RABGAP1L: variants seen among roughly 807,000 people sequenced by gnomAD.
The protein encoded by RABGAP1L is RAB GTPase activating protein 1 like, also known as rab GTPase-activating protein 1-like.
In RABGAP1L, 63 loss-of-function variants were observed where a neutral mutation model predicts 137.7. The observed-to-expected ratio is 0.46, with a 90% confidence interval of 0.37 to 0.56. The LOEUF is 0.56. Among genes scored for constraint, RABGAP1L ranks in the 20% least tolerant of loss-of-function variants. The pLI is 0.00. For synonymous variants in RABGAP1L, 431 were observed against 433.7 expected (o/e 0.99, Z 0.08); for missense variants, 1,095 against 1,244.0 (o/e 0.88, Z 1.80).
chr1:174,371,406 C>A (rs1018079154), intron 12 of RABGAP1L, among the ~76,000 whole-genome samples: 1 of 151,904 alleles, frequency 6.6e-6, no homozygotes, highest in Admixed American at 6.6e-5. Flanking sequence ...ATTTAAATGT[C>A]TACTGTTAAA....
intron 24 of RABGAP1L, among the ~76,000 whole-genome samples, chr1:174,985,097 AAAG>A (rs1671469793): frequency 1.3e-5 from 2 of 152,216 alleles, no homozygotes; most frequent in African/African-American, 4.8e-5. Context: ...TAGCCAGAAT[AAAG>A]AAGAACAACT....
At chr1:174,441,998 A>AT (rs1469558288) in intron 13 of RABGAP1L, among the ~76,000 whole-genome samples, 1 of 152,066 alleles carries the variant, frequency 6.6e-6, no homozygotes, top group Middle Eastern at 3.2e-3. Flanking sequence ...ACCAGTGATT[A>AT]TTTTTGGAAA....
intron 13 of RABGAP1L, among the ~76,000 whole-genome samples, chr1:174,537,412 C>T (rs929002985): frequency 6.6e-6 from 1 of 152,094 alleles, no homozygotes; most frequent in Non-Finnish European, 1.5e-5. Context: ...AGCCTGTAAC[C>T]CTTATCCTAC....
intron 11 of RABGAP1L, among the ~76,000 whole-genome samples, chr1:174,311,782 A>T (rs1265392624): frequency 6.6e-6 from 1 of 151,764 alleles, no homozygotes; most frequent in Admixed American, 6.6e-5. Context: ...AATTTTTTGT[A>T]TTTTAGTAGA....
chr1:174,848,820 C>A (rs548855849), intron 19 of RABGAP1L, among the ~76,000 whole-genome samples: 1 of 151,308 alleles, frequency 6.6e-6, no homozygotes, highest in Non-Finnish European at 1.5e-5. Flanking sequence ...GGCGCCCCTC[C>A]CCCAGCTTCG....
intron 12 of RABGAP1L, among the ~76,000 whole-genome samples, chr1:174,392,157 A>G (rs1647237159): frequency 6.6e-6 from 1 of 152,216 alleles, no homozygotes; most frequent in African/African-American, 2.4e-5. Flanking sequence ...AGAGAAGTTT[A>G]AAGAATTGAA....
At chr1:174,600,411 C>T (rs1186101519) in intron 13 of RABGAP1L, among the ~76,000 whole-genome samples, 1 of 152,116 alleles carries the variant, frequency 6.6e-6, no homozygotes, top group Non-Finnish European at 1.5e-5. Context: ...CATCATTAAC[C>T]CAAAAGTCCA....
intron 19 of RABGAP1L, among the ~76,000 whole-genome samples, chr1:174,862,408 G>A (rs1650410159): frequency 6.6e-6 from 1 of 152,100 alleles, no homozygotes; most frequent in South Asian, 2.1e-4. Flanking sequence ...ATTGTTAGTA[G>A]TAGTAATTGG....
intron 3 of RABGAP1L, among the ~76,000 whole-genome samples, chr1:174,224,825 T>A (rs1670042739): frequency 6.6e-6 from 1 of 152,218 alleles, no homozygotes; most frequent in African/African-American, 2.4e-5. Context: ...TCTGAAGGGA[T>A]TTGAATCATT....
chr1:174,386,471 C>T (rs951841837), intron 12 of RABGAP1L, among the ~76,000 whole-genome samples: 2 of 151,664 alleles, frequency 1.3e-5, no homozygotes, highest in East Asian at 1.9e-4. Flanking sequence ...AGAGCCAGAA[C>T]AGGGTGTGTG....
chr1:174,687,157 AAGAG>A (rs965696143), intron 15 of RABGAP1L, among the ~76,000 whole-genome samples: 6 of 152,168 alleles, frequency 3.9e-5, no homozygotes, highest in African/African-American at 1.4e-4. Context: ...CAAAGAGAGA[AAGAG>A]AGAGATTCAA....
intron 13 of RABGAP1L, among the ~76,000 whole-genome samples, chr1:174,408,109 G>C (rs987641491): frequency 2.6e-5 from 4 of 152,150 alleles, no homozygotes; most frequent in Admixed American, 1.3e-4. Flanking sequence ...TACATATGCA[G>C]GTTTGTTACC....
chr1:174,375,272 C>T (rs1685427382), intron 12 of RABGAP1L, among the ~76,000 whole-genome samples: 1 of 151,472 alleles, frequency 6.6e-6, no homozygotes, highest in South Asian at 2.1e-4. Context: ...GCATATTATA[C>T]TAGAAAACAA....
intron 18 of RABGAP1L, among the ~76,000 whole-genome samples, chr1:174,763,650 C>CAAAAAAAAAAA (rs1165876748): frequency 7.6e-5 from 1 of 13,120 alleles, no homozygotes; most frequent in Non-Finnish European, 1.5e-4. Flanking sequence ...GACTCCGTCT[C>CAAAAAAAAAAA]AAAAAAAAAA....
At chr1:174,249,238 C>T (rs748510200) in intron 5 of RABGAP1L, among the ~76,000 whole-genome samples, 5 of 152,102 alleles carry the variant, frequency 3.3e-5, no homozygotes, top group Non-Finnish European at 5.9e-5. Context: ...TCTGGGAACC[C>T]AACACTTATA....
chr1:174,952,542 A>G (rs1395944105), intron 19 of RABGAP1L, among the ~76,000 whole-genome samples: 1 of 151,876 alleles, frequency 6.6e-6, no homozygotes, highest in Non-Finnish European at 1.5e-5. Context: ...GAGTTTGATA[A>G]TCAGGAAACT....
At chr1:174,810,784 A>C (rs377264750) in intron 18 of RABGAP1L, among the ~76,000 whole-genome samples, 30 of 152,158 alleles carry the variant, frequency 2.0e-4, no homozygotes, top group African/African-American at 6.8e-4. Context: ...GTTATACAGA[A>C]AGTATAACAA....
In RABGAP1L at chr1:174,448,125, G is replaced by T; in HGVS notation, c.1710+53980G>T. 1.9e-6 allele frequency: 3 copies of T among 1,611,886 alleles called. No homozygotes were observed. The highest frequency in any genetic ancestry group is 2.5e-6 in the Non-Finnish European group (3 of 1,178,650). ...AATTTCCAAGCCATGAATGAATCCA[G>T]GTGGACTGAATGGAGGATCCTGAAC... On this transcript the variant is annotated intron_variant, in intron 13 of 25. Coordinates refer to ENST00000681986, the MANE Select transcript of RABGAP1L (RefSeq NM_001366446.1). The surrounding 1 kb of genome is among the most constrained non-coding windows in gnomAD (Gnocchi z 4.2).
intron 18 of RABGAP1L, among the ~76,000 whole-genome samples, chr1:174,789,224 A>T (rs887379079): frequency 6.6e-6 from 1 of 152,192 alleles, no homozygotes; most frequent in African/African-American, 2.4e-5. Context: ...GCTAGTCTTT[A>T]TGATGGTTAT....
Sources: gnomAD v4.1 joint callset for allele counts (sites outside exome capture counted in the v4.1 genomes callset) on GRCh38, gnomAD v4.1.1 for gene constraint, Gnocchi (gnomAD v3.1) non-coding constraint, MANE v1.5 for transcripts, NCBI Gene and HGNC (gene_info 2026-07-23, HGNC 2026-07-21) for gene names.